Variants in ERBIN observed in about 807,000 individuals in gnomAD.
ERBIN encodes densin-180-like protein.
Under a neutral mutation model 158.4 loss-of-function variants are expected in ERBIN, and 60 were observed. That is an observed-to-expected ratio of 0.38 (90% CI 0.31 to 0.47). The LOEUF is 0.47. Ranked by LOEUF, ERBIN falls within the 20% of genes least tolerant of loss-of-function variation. The pLI, the probability that ERBIN is intolerant of heterozygous loss-of-function variation, is 0.99. For missense variants in ERBIN, 1,610 were observed against 1,648.0 expected (o/e 0.98, Z 0.40); for synonymous variants, 594 against 557.2 (o/e 1.07, Z -0.93).
chr5:65,990,019 T>C lies in ERBIN; in HGVS notation c.-10+1337T>C, dbSNP rs116549949. On this transcript the variant is annotated intron_variant, in intron 2 of 25. Transcript: ENST00000284037. ...TAGATGAACTGTTTATTCTTACTGA[T>C]AAAATATGCCTTAATATAAACAAAG... Among the ~76,000 whole-genome samples the C allele has an allele frequency of 5.7e-3, 873 of 152,374 alleles. 8 individuals are homozygous for C. The highest frequency in any genetic ancestry group is 0.02 in the African/African-American group (819 of 41,588).
At chr5:65,936,369 T>A (rs1366184900) in intron 1 of ERBIN, among the ~76,000 whole-genome samples, 1 of 152,258 alleles carries the variant, frequency 6.6e-6, no homozygotes, top group East Asian at 1.9e-4. Flanking sequence ...AAGATAAGGA[T>A]CTTGGCAGCA....
rs1759362464 is a variant in ERBIN, at chr5:66,054,286, A to G, written c.2968A>G (p.Thr990Ala). The G allele has an allele frequency of 1.2e-6, 2 of 1,614,076 alleles. No homozygotes were observed. Among genetic ancestry groups the G allele is most frequent in the African/African-American group, 1.3e-5 (1 of 74,930 alleles). Residue 990 changes from threonine (T) to alanine (A), a missense_variant, in exon 21 of 26, where the codon ACT becomes GCT. Physicochemically the swap from Thr to Ala is moderately conservative, Grantham distance 58. Coordinates refer to ENST00000284037, the MANE Select transcript of ERBIN (RefSeq NM_001253697.2). The part of the protein sequence containing the change: ...QYSSSAAVKD[T>A]LWHSKQNPQI... The stretch of plus-strand genomic sequence containing the variant: ...CAGTAGCAGTGCTGCAGTCAAAGAC[A>G]CTTTGTGGCACTCCAAACAAAATCC...
chr5:66,023,499 T>C, intron 9 of ERBIN, 135 bp downstream of exon 9: 1 of 514,790 alleles, frequency 1.9e-6, no homozygotes, highest in Non-Finnish European at 3.4e-6. Context: ...GCAAATTACT[T>C]TTTTTCATGA....
intron 1 of ERBIN, among the ~76,000 whole-genome samples, chr5:65,953,249 C>G (rs1294560598): frequency 6.6e-6 from 1 of 152,184 alleles, no homozygotes. Context: ...GATACACAGT[C>G]TAGTTGGTAT....
Position 66,046,546 on chromosome 5 carries a change from TTTATGATTA to T in ERBIN, c.1788+11_1788+19del. The T allele has an allele frequency of 6.4e-7, 1 of 1,559,514 alleles. No individual in the cohort carries two copies. The highest frequency in any genetic ancestry group is 1.4e-5 in the African/African-American group (1 of 72,966). On this transcript the variant is annotated intron_variant, in intron 18 of 25. Coordinates refer to ENST00000284037, the MANE Select transcript of ERBIN (RefSeq NM_001253697.2). ...CATGATGATGTTTTTGAGGTATGAT[TTTATGATTA>T]TTCTGGAGCAACTATAAGAACTTTC...
intron 3 of ERBIN, among the ~76,000 whole-genome samples, 173 bp from the exon 4 acceptor site, chr5:65,994,574 T>C (rs989533264): frequency 6.6e-6 from 1 of 152,240 alleles, no homozygotes; most frequent in Non-Finnish European, 1.5e-5. Context: ...TTAATCTGAA[T>C]GGTTCAGTTG....
intron 1 of ERBIN, among the ~76,000 whole-genome samples, chr5:65,945,128 G>A (rs1561278472): frequency 6.6e-6 from 1 of 152,294 alleles, no homozygotes; most frequent in African/African-American, 2.4e-5. Flanking sequence ...TGGAAGAATC[G>A]TGGAGTCATT....
chr5:66,025,409 TCA>T (rs1381000910), intron 10 of ERBIN, 69 bp from the exon 11 acceptor site: 2 of 1,130,636 alleles, frequency 1.8e-6, no homozygotes, highest in Non-Finnish European at 1.3e-6. Flanking sequence ...GTAGTATGTC[TCA>T]CACTGACTGT....
intron 1 of ERBIN, among the ~76,000 whole-genome samples, chr5:65,976,482 A>G (rs1160803185): frequency 6.6e-6 from 1 of 152,094 alleles, no homozygotes; most frequent in Non-Finnish European, 1.5e-5. Context: ...CCCCAAAAAA[A>G]GAAAGATTAT....
At chr5:65,936,507 C>G (rs1003880378) in intron 1 of ERBIN, among the ~76,000 whole-genome samples, 1 of 152,080 alleles carries the variant, frequency 6.6e-6, no homozygotes, top group Non-Finnish European at 1.5e-5. Context: ...GTCGTGGATA[C>G]CTGGTATCAA....
At chr5:66,068,391 ACACT>A (rs1448761405) in intron 21 of ERBIN, among the ~76,000 whole-genome samples, 1 of 152,044 alleles carries the variant, frequency 6.6e-6, no homozygotes, top group East Asian at 1.9e-4. Flanking sequence ...GTATATTTAA[ACACT>A]CAGTTTGTTT....
At chr5:66,048,872 T>C (rs1758739470) in intron 19 of ERBIN, 91 bp downstream of exon 19, 2 of 717,298 alleles carry the variant, frequency 2.8e-6, no homozygotes, top group Non-Finnish European at 4.4e-6. Flanking sequence ...TATTATGTTA[T>C]TTGATACATT....
chr5:65,975,838 C>A (rs1749797284), intron 1 of ERBIN, among the ~76,000 whole-genome samples: 1 of 152,150 alleles, frequency 6.6e-6, no homozygotes, highest in African/African-American at 2.4e-5. Context: ...ACAAAATATA[C>A]CTGCTTGGTA....
At chr5:66,000,540 A>G (rs1275377511) in intron 4 of ERBIN, among the ~76,000 whole-genome samples, 1 of 152,140 alleles carries the variant, frequency 6.6e-6, no homozygotes, top group Non-Finnish European at 1.5e-5. Flanking sequence ...GATAATCTTT[A>G]TGTGATCAAA....
Position 65,994,949 on chromosome 5 carries a change from TA to T in ERBIN, c.307+86del, listed in dbSNP as rs201576817. The T allele has an allele frequency of 0.011, 8,841 of 811,258 alleles. 583 individuals carry two copies. The African/African-American group carries it at 0.14, about 13-fold the overall frequency. The allele number at this position is 811,258 out of a possible 1,614,324, so 50.3% of individuals were successfully genotyped here. On this transcript the variant is annotated intron_variant, in intron 4 of 25. Coordinates refer to ENST00000284037, the MANE Select transcript of ERBIN (RefSeq NM_001253697.2). ...TCTATTGAGTTTTCAAAAATAAAAA[TA>T]TAAAAATAAGTTAAATCTAATGTAT...
chr5:66,000,958 A>G (rs1752958021), intron 4 of ERBIN, among the ~76,000 whole-genome samples: 2 of 152,068 alleles, frequency 1.3e-5, no homozygotes, highest in African/African-American at 4.8e-5. Flanking sequence ...ATTTTAATCA[A>G]CCTGTAGTAT....
chr5:66,008,691 T>G (rs1580334440), intron 4 of ERBIN, among the ~76,000 whole-genome samples: 1 of 152,330 alleles, frequency 6.6e-6, no homozygotes, highest in Non-Finnish European at 1.5e-5. Context: ...CTTGGCTATT[T>G]CGAAATACTG....
Position 66,054,968 on chromosome 5 carries a change from T to C in ERBIN, c.3633+17T>C. 9 of 1,527,432 alleles carry C rather than the reference T, an allele frequency of 5.9e-6. No homozygotes were observed. The highest frequency in any genetic ancestry group is 7.9e-6 in the Non-Finnish European group (9 of 1,138,558). 94.6% of individuals were successfully genotyped at this position (1,527,432 alleles called of 1,614,324 possible). A position where few individuals can be genotyped will look rare whatever the true frequency, so the allele number is the denominator to read the frequency against. On this transcript the variant is annotated intron_variant, in intron 21 of 25. Coordinates refer to ENST00000284037, the MANE Select transcript of ERBIN (RefSeq NM_001253697.2). Reference sequence around the variant, plus strand: ...TTAGAAAAGGTAATTGAACATGAGTTTTTCATTATTTTCTTTATGAACTTA... The same window carrying C: ...TTAGAAAAGGTAATTGAACATGAGTCTTTCATTATTTTCTTTATGAACTTA...
chr5:65,928,381 A>G (rs1742940682), intron 1 of ERBIN, among the ~76,000 whole-genome samples: 2 of 152,176 alleles, frequency 1.3e-5, no homozygotes, highest in Non-Finnish European at 2.9e-5. Context: ...AGGCTGCAAA[A>G]GAGGTTATTC....
Sources: gnomAD v4.1 joint callset for allele counts (sites outside exome capture counted in the v4.1 genomes callset) on GRCh38, gnomAD v4.1.1 for gene constraint, MANE v1.5 for transcripts, NCBI Gene and HGNC (gene_info 2026-07-23, HGNC 2026-07-21) for gene names.